The following ATRNL1 variants were observed in gnomAD, a reference collection of about 807,000 sequenced individuals.
ATRNL1 encodes attractin-like protein 1.
Under a neutral mutation model 182.7 loss-of-function variants are expected in ATRNL1, and 95 were observed. The ratio of observed to expected loss-of-function variants is 0.52; its 90% CI spans 0.44 to 0.62. The LOEUF (loss-of-function observed/expected upper bound fraction) is 0.62, where lower values mean the gene tolerates loss of function less well. Ranked by LOEUF, ATRNL1 falls within the 20% of genes least tolerant of loss-of-function variation. The probability of loss-of-function intolerance (pLI) is 0.00; values close to 1 mark genes in which losing one functional copy is unlikely to be tolerated. For missense variants in ATRNL1, 1,471 were observed against 1,679.5 expected, an observed-to-expected ratio of 0.88 and a Z score of 2.17; for synonymous variants, 576 against 568.3, an observed-to-expected ratio of 1.01 and a Z score of -0.19.
At chr10:115,412,800 A>G (rs782068407) in intron 20 of ATRNL1, among the ~76,000 whole-genome samples, 1 of 152,212 alleles carries the variant, frequency 6.6e-6, no homozygotes, top group Non-Finnish European at 1.5e-5. Flanking sequence ...AATGAGTTAA[A>G]CTATTTTAAT....
At chr10:115,231,762 A>G (rs192328556) in intron 9 of ATRNL1, among the ~76,000 whole-genome samples, 184 of 152,286 alleles carry the variant, frequency 1.2e-3, no homozygotes, top group African/African-American at 4.2e-3. Context: ...AAATACAGGT[A>G]AATAAGTAGA....
At chr10:115,594,437 T>C (rs782540660) in intron 26 of ATRNL1, among the ~76,000 whole-genome samples, 4 of 152,178 alleles carry the variant, frequency 2.6e-5, no homozygotes, top group African/African-American at 4.8e-5. Flanking sequence ...TGACTATGGG[T>C]GGGTCTTAAT....
chr10:115,291,346 G>A (rs1195519318), intron 15 of ATRNL1, among the ~76,000 whole-genome samples: 1 of 152,118 alleles, frequency 6.6e-6, no homozygotes, highest in Non-Finnish European at 1.5e-5. Context: ...TTACAGTGCT[G>A]TGTTAAATAA....
chr10:115,585,738 A>G lies in ATRNL1; in HGVS notation c.3795+36202A>G, dbSNP rs1295532819. Among the ~76,000 whole-genome samples, 38 of 37,250 alleles carry G rather than the reference A, an allele frequency of 1.0e-3. 5 individuals carry two copies. The highest frequency in any genetic ancestry group is 1.9e-3 in the Non-Finnish European group (30 of 15,986). 24.4% of individuals were successfully genotyped at this position (37,250 alleles called of 152,430 possible). A position where few individuals can be genotyped will look rare whatever the true frequency, so the allele number is the denominator to read the frequency against. On this transcript the variant is annotated intron_variant, in intron 26 of 28. Transcript: ENST00000355044. ...CCAGTCTGTGTCTTTTAATTGGAGG[A>G]TTTAGTCCATTTACGTTTAAAGTTA...
intron 28 of ATRNL1, among the ~76,000 whole-genome samples, chr10:115,940,766 C>T (rs1216618313): frequency 6.6e-6 from 1 of 152,010 alleles, no homozygotes; most frequent in Non-Finnish European, 1.5e-5. Flanking sequence ...GGGGCTTTGT[C>T]TCTTTTTTTC....
At chr10:115,375,793 A>G (rs1378810766) in intron 19 of ATRNL1, among the ~76,000 whole-genome samples, 1 of 152,114 alleles carries the variant, frequency 6.6e-6, no homozygotes, top group Non-Finnish European at 1.5e-5. Flanking sequence ...TTGTTTTTAG[A>G]AAATGTATTA....
intron 21 of ATRNL1, among the ~76,000 whole-genome samples, chr10:115,427,348 A>G (rs1294099011): frequency 6.6e-6 from 1 of 152,146 alleles, no homozygotes; most frequent in Non-Finnish European, 1.5e-5. Context: ...CACATACTTC[A>G]TTCTAGATAC....
chr10:115,757,393 G>A (rs750270563), intron 27 of ATRNL1, among the ~76,000 whole-genome samples: 2 of 152,100 alleles, frequency 1.3e-5, no homozygotes, highest in East Asian at 3.9e-4. Flanking sequence ...CTCTGTAAAA[G>A]ATTTTATTTC....
At chr10:115,350,362 A>AAAAAAG (rs1554940913) in intron 19 of ATRNL1, among the ~76,000 whole-genome samples, 1 of 149,632 alleles carries the variant, frequency 6.7e-6, no homozygotes, top group African/African-American at 2.4e-5. Flanking sequence ...AAAAAAAAAA[A>AAAAAAG]AAGAATTTCC....
At chr10:115,904,631 A>G (rs527343730) in intron 28 of ATRNL1, among the ~76,000 whole-genome samples, 10 of 152,194 alleles carry the variant, frequency 6.6e-5, no homozygotes, top group Non-Finnish European at 1.3e-4. Flanking sequence ...CAAATTATAT[A>G]TAGTCATGTT....
At chr10:115,419,979 C>T (rs1219229869) in intron 20 of ATRNL1, among the ~76,000 whole-genome samples, 1 of 151,258 alleles carries the variant, frequency 6.6e-6, no homozygotes, top group Non-Finnish European at 1.5e-5. Context: ...GTCTTCTCAA[C>T]AGCACATGTA....
At chr10:115,393,680 A>C (rs1844145931) in intron 19 of ATRNL1, among the ~76,000 whole-genome samples, 1 of 152,100 alleles carries the variant, frequency 6.6e-6, no homozygotes, top group Non-Finnish European at 1.5e-5. Flanking sequence ...CTGCTATGTG[A>C]TTATATTGTT....
At chr10:115,381,345 C>T (rs1554951011) in intron 19 of ATRNL1, among the ~76,000 whole-genome samples, 2 of 151,610 alleles carry the variant, frequency 1.3e-5, no homozygotes, top group Non-Finnish European at 2.9e-5. Context: ...CGACTCACTG[C>T]AACTTCTGCC....
At chr10:115,487,045 T>C (rs560430859) in intron 24 of ATRNL1, among the ~76,000 whole-genome samples, 1 of 152,250 alleles carries the variant, frequency 6.6e-6, no homozygotes, top group African/African-American at 2.4e-5. Context: ...GATCAGATGG[T>C]TGTAGATGTG....
chr10:115,473,098 G>C (rs549786343), intron 24 of ATRNL1, among the ~76,000 whole-genome samples: 1 of 151,232 alleles, frequency 6.6e-6, no homozygotes, highest in East Asian at 2.0e-4. Context: ...CTATTGAGAT[G>C]ATCATATAAT....
chr10:115,561,702 T>G (rs200844568), intron 26 of ATRNL1, among the ~76,000 whole-genome samples: 1 of 95,654 alleles, frequency 1.0e-5, no homozygotes. Context: ...TGTGTGTGTG[T>G]GGGTGTGTGT....
intron 24 of ATRNL1, among the ~76,000 whole-genome samples, chr10:115,508,028 A>G (rs1177792839): frequency 1.3e-5 from 2 of 152,018 alleles, no homozygotes; most frequent in Non-Finnish European, 2.9e-5. Flanking sequence ...TGTGGTAACC[A>G]TAGGTTAAGC....
Position 115,660,319 on chromosome 10 carries a change from G to T in ATRNL1, c.3796-66929G>T, listed in dbSNP as rs554321716. On this transcript the variant is annotated intron_variant, in intron 26 of 28. Transcript: ENST00000355044. ...TGACCAGGCAACTAGTTGGCTTGTA[G>T]TGATAGTCAACGAAATAGAGAAGGT... is the stretch of plus-strand genomic sequence containing the variant. Among the ~76,000 whole-genome samples, 17 of 152,284 alleles carry T rather than the reference G, an allele frequency of 1.1e-4. No homozygotes were observed. In the South Asian group the frequency reaches 2.9e-3, roughly 26 times the overall value.
intron 13 of ATRNL1, among the ~76,000 whole-genome samples, chr10:115,270,894 C>T (rs1269912812): frequency 6.6e-6 from 1 of 152,084 alleles, no homozygotes; most frequent in Non-Finnish European, 1.5e-5. Context: ...GGCACCTATA[C>T]ATATCTACAT....
Sources: allele counts gnomAD v4.1 joint callset (sites outside exome capture counted in the v4.1 genomes callset), GRCh38; gene constraint gnomAD v4.1.1; transcripts MANE v1.5; gene names NCBI Gene and HGNC (gene_info 2026-07-23, HGNC 2026-07-21).